AKT3: variants seen among roughly 807,000 people sequenced by gnomAD.
AKT3 encodes RAC-gamma serine/threonine-protein kinase.
Under a neutral mutation model 65.3 loss-of-function variants are expected in AKT3, and 15 were observed. That is an observed-to-expected ratio of 0.23 (90% CI 0.15 to 0.35). AKT3 has a LOEUF of 0.35. Ranked by LOEUF, AKT3 falls within the 10% of genes least tolerant of loss-of-function variation. AKT3 has a pLI of 1.00. For synonymous variants in AKT3, 206 were observed against 183.8 expected, an observed-to-expected ratio of 1.12 and a Z score of -0.98; for missense variants, 243 against 576.5, an observed-to-expected ratio of 0.42 and a Z score of 5.92.
chr1:243,580,204 A>C (rs1675229524), intron 8 of AKT3, among the ~76,000 whole-genome samples: 1 of 152,186 alleles, frequency 6.6e-6, no homozygotes, highest in South Asian at 2.1e-4. Context: ...GGAGAAGGCC[A>C]GCAAACAGCC....
intron 3 of AKT3, among the ~76,000 whole-genome samples, chr1:243,689,225 GATCA>G (rs1684531707): frequency 6.6e-6 from 1 of 151,988 alleles, no homozygotes. Flanking sequence ...TGGGTATAAT[GATCA>G]ATCAACACTT....
intron 2 of AKT3, among the ~76,000 whole-genome samples, chr1:243,824,878 A>T (rs1428799800): frequency 6.6e-6 from 1 of 152,184 alleles, no homozygotes; most frequent in African/African-American, 2.4e-5. Context: ...CAGAAATACC[A>T]TTTGACCCAG....
At chr1:243,802,798 G>A (rs556538088) in intron 2 of AKT3, among the ~76,000 whole-genome samples, 48 of 152,224 alleles carry the variant, frequency 3.2e-4, no homozygotes, top group African/African-American at 1.2e-3. Context: ...TAAAACCCAG[G>A]ACTTCATTCA....
intron 2 of AKT3, among the ~76,000 whole-genome samples, chr1:243,790,635 T>G (rs1691570326): frequency 6.6e-6 from 1 of 152,226 alleles, no homozygotes; most frequent in Non-Finnish European, 1.5e-5. Flanking sequence ...TCCCTTTGCA[T>G]TCACTTGGCT....
intron 13 of AKT3, among the ~76,000 whole-genome samples, chr1:243,508,364 C>G (rs912923372): frequency 4.6e-5 from 7 of 152,248 alleles, no homozygotes; most frequent in Non-Finnish European, 7.3e-5. Flanking sequence ...GCGCTGCGCT[C>G]TGCTGAGCCA....
intron 8 of AKT3, among the ~76,000 whole-genome samples, chr1:243,589,787 T>A (rs1281034492): frequency 1.3e-5 from 2 of 152,208 alleles, no homozygotes; most frequent in Non-Finnish European, 2.9e-5. Context: ...GGACTGCAGG[T>A]ATCTCTATTC....
chr1:243,537,611 C>A (rs1672019600), intron 12 of AKT3, among the ~76,000 whole-genome samples: 1 of 152,168 alleles, frequency 6.6e-6, no homozygotes, highest in Non-Finnish European at 1.5e-5. Flanking sequence ...TTCCCTTTTC[C>A]AGGCTCTTCT....
rs555746259 is a variant in AKT3, at chr1:243,724,448, T to C, written c.47-28732A>G. On this transcript the variant is annotated intron_variant, in intron 2 of 13. Coordinates refer to ENST00000673466, the MANE Select transcript of AKT3 (RefSeq NM_005465.7). ...ACAGAGAATCAATAAGGAATTTAGT[T>C]TTCAAAAGCATATTTTTTTCAAATG... 5.3e-5 allele frequency among the ~76,000 whole-genome samples: 8 copies of C among 152,252 alleles called. No homozygotes were observed. In the South Asian group the frequency reaches 1.7e-3, roughly 32 times the overall value.
chr1:243,648,951 G>T (rs1681056542), intron 4 of AKT3, among the ~76,000 whole-genome samples: 1 of 151,376 alleles, frequency 6.6e-6, no homozygotes, highest in Admixed American at 6.6e-5. Flanking sequence ...TTTTCTTTTG[G>T]TTTATTTTTC....
intron 2 of AKT3, among the ~76,000 whole-genome samples, chr1:243,696,946 A>T (rs1685098492): frequency 6.6e-6 from 1 of 152,010 alleles, no homozygotes; most frequent in East Asian, 1.9e-4. Context: ...TTACCATAAA[A>T]TGTAATCCAA....
At position 243,534,742 on chromosome 1, in the gene AKT3, T is replaced by TA. The variant is rs551073870; in HGVS notation, c.1251+10767dup. Among the ~76,000 whole-genome samples the TA allele has an allele frequency of 8.1e-3, 1,237 of 152,292 alleles. 23 individuals are homozygous for TA. The highest frequency in any genetic ancestry group is 0.028 in the African/African-American group (1,157 of 41,570). ...ACCTGTAGACTAAACAACACATTTC[T>TA]AAACAACACACATATTAAATAATTC... On this transcript the variant is annotated intron_variant, in intron 12 of 13. Coordinates refer to ENST00000673466, the MANE Select transcript of AKT3 (RefSeq NM_005465.7).
chr1:243,623,834 C>T (rs1049687119), intron 6 of AKT3, among the ~76,000 whole-genome samples: 2 of 152,216 alleles, frequency 1.3e-5, no homozygotes, highest in Non-Finnish European at 2.9e-5. Flanking sequence ...TGAATTCTCT[C>T]TCATATATGT....
In AKT3 at chr1:243,503,410, A is replaced by G. The variant is rs1669459851; in HGVS notation, c.*1839T>C. 8.6e-6 allele frequency: 2 copies of G among 233,402 alleles called. No homozygotes were observed. Among genetic ancestry groups the G allele is most frequent in the Non-Finnish European group, 1.7e-5 (2 of 117,990 alleles). 14.5% of individuals were successfully genotyped at this position (233,402 alleles called of 1,614,324 possible). ...GTCACTTGCTCTTTCATACAATGCA[A>G]TCATAATACTACGTCATGCTGTAGT... On this transcript the variant is annotated 3_prime_UTR_variant, in exon 14 of 14. Coordinates refer to ENST00000673466, the MANE Select transcript of AKT3 (RefSeq NM_005465.7).
chr1:243,666,465 C>T (rs551085866), intron 3 of AKT3, among the ~76,000 whole-genome samples: 5 of 152,302 alleles, frequency 3.3e-5, no homozygotes, highest in Non-Finnish European at 5.9e-5. Flanking sequence ...TTAAGACACA[C>T]GTGTCTAAAC....
At chr1:243,828,705 G>C (rs1430218200) in intron 2 of AKT3, among the ~76,000 whole-genome samples, 1 of 152,148 alleles carries the variant, frequency 6.6e-6, no homozygotes, top group African/African-American at 2.4e-5. Context: ...TTAATGGACT[G>C]TTTATGTTAT....
chr1:243,634,893 A>C (rs1478474055), intron 6 of AKT3, among the ~76,000 whole-genome samples: 1 of 151,974 alleles, frequency 6.6e-6, no homozygotes, highest in African/African-American at 2.4e-5. Flanking sequence ...TGAATACAAC[A>C]ACCAGAAAGA....
chr1:243,593,930 C>G (rs1231898808), intron 8 of AKT3, among the ~76,000 whole-genome samples: 2 of 152,076 alleles, frequency 1.3e-5, no homozygotes, highest in Non-Finnish European at 2.9e-5. Context: ...CAGTCACAGG[C>G]AGTGAAAGAT....
chr1:243,593,216 A>C (rs933017229), intron 8 of AKT3, among the ~76,000 whole-genome samples: 4 of 152,244 alleles, frequency 2.6e-5, no homozygotes, highest in African/African-American at 9.6e-5. Flanking sequence ...CAGAACTATT[A>C]CATGAAAAGA....
chr1:243,836,910 CAAA>C (rs779727098), intron 2 of AKT3, among the ~76,000 whole-genome samples: 2 of 56,922 alleles, frequency 3.5e-5, no homozygotes. Flanking sequence ...GACTCCATCT[CAAA>C]AAAAAAAAAA....
Sources: gnomAD v4.1 joint callset for allele counts (sites outside exome capture counted in the v4.1 genomes callset) on GRCh38, gnomAD v4.1.1 for gene constraint, MANE v1.5 for transcripts, NCBI Gene and HGNC (gene_info 2026-07-23, HGNC 2026-07-21) for gene names.